Variants in FSTL5 observed in about 807,000 individuals in gnomAD.
FSTL5 encodes follistatin-related protein 5.
FSTL5 carries 62 observed loss-of-function variants against 89.1 expected under a neutral mutation model. The ratio of observed to expected loss-of-function variants is 0.70; its 90% CI spans 0.57 to 0.86. FSTL5 has a LOEUF of 0.86. FSTL5 is among the 40% of genes least tolerant of loss of function. The pLI, the probability that FSTL5 is intolerant of heterozygous loss-of-function variation, is 0.00. For synonymous variants in FSTL5, 383 were observed against 346.2 expected, an observed-to-expected ratio of 1.11 and a Z score of -1.18; for missense variants, 1,057 against 1,001.6, an observed-to-expected ratio of 1.06 and a Z score of -0.75.
At chr4:162,112,816 C>CACACACACACACACACACACA (rs1731499530) in intron 1 of FSTL5, among the ~76,000 whole-genome samples, 1 of 148,196 alleles carries the variant, frequency 6.7e-6, no homozygotes, top group African/African-American at 2.5e-5. Context: ...CACACACACA[C>CACACACACACACACACACACA]CAGTGGGCAT....
intron 2 of FSTL5, among the ~76,000 whole-genome samples, chr4:162,084,270 C>A (rs931887036): frequency 1.3e-5 from 2 of 151,744 alleles, no homozygotes; most frequent in African/African-American, 4.8e-5. Context: ...GTTAAATATT[C>A]AGAGTATCAT....
At chr4:161,975,872 T>C (rs1735626579) in intron 3 of FSTL5, among the ~76,000 whole-genome samples, 1 of 151,086 alleles carries the variant, frequency 6.6e-6, no homozygotes, top group East Asian at 1.9e-4. Flanking sequence ...TCCCAGCACT[T>C]TGGGAGGCCG....
At chr4:161,845,099 C>A (rs761276493) in intron 4 of FSTL5, among the ~76,000 whole-genome samples, 1 of 152,100 alleles carries the variant, frequency 6.6e-6, no homozygotes, top group Non-Finnish European at 1.5e-5. Context: ...TTCCACTATG[C>A]TACACTATTT....
At chr4:161,812,361 TC>T (rs1730176492) in intron 4 of FSTL5, among the ~76,000 whole-genome samples, 1 of 152,142 alleles carries the variant, frequency 6.6e-6, no homozygotes, top group African/African-American at 2.4e-5. Flanking sequence ...GCAAGTACAG[TC>T]CCCTGTGCAT....
intron 10 of FSTL5, among the ~76,000 whole-genome samples, chr4:161,520,316 T>C (rs985907650): frequency 1.3e-4 from 20 of 151,608 alleles, no homozygotes; most frequent in Non-Finnish European, 2.5e-4. Flanking sequence ...TTAAGTGTAT[T>C]TGAAATGTAT....
chr4:162,088,009 C>A (rs569351213), intron 2 of FSTL5, among the ~76,000 whole-genome samples: 12 of 151,986 alleles, frequency 7.9e-5, no homozygotes, highest in Non-Finnish European at 1.5e-4. Context: ...GGGAAATATT[C>A]AAAAAATAAT....
chr4:161,691,305 T>A (rs1560792237), intron 6 of FSTL5, among the ~76,000 whole-genome samples: 1 of 152,160 alleles, frequency 6.6e-6, no homozygotes, highest in African/African-American at 2.4e-5. Flanking sequence ...TTATTTCTCT[T>A]ATTGAATACT....
intron 13 of FSTL5, among the ~76,000 whole-genome samples, chr4:161,475,337 G>A (rs1033478156): frequency 1.3e-5 from 2 of 152,060 alleles, no homozygotes; most frequent in East Asian, 1.9e-4. Context: ...CAAATATTCT[G>A]TTGGCCATTT....
intron 15 of FSTL5, among the ~76,000 whole-genome samples, chr4:161,442,002 C>T (rs907836381): frequency 3.4e-4 from 51 of 152,010 alleles, no homozygotes; most frequent in African/African-American, 1.1e-3. Context: ...AGTGAAACTT[C>T]AGCTTAACCA....
intron 1 of FSTL5, among the ~76,000 whole-genome samples, chr4:162,143,672 T>G (rs568644021): frequency 6.1e-4 from 92 of 151,522 alleles, no homozygotes; most frequent in Non-Finnish European, 1.2e-3. Context: ...CACTAAGGCT[T>G]AGAATCCTAA....
chr4:161,695,180 T>C (rs956483424), intron 6 of FSTL5, among the ~76,000 whole-genome samples: 41 of 152,174 alleles, frequency 2.7e-4, no homozygotes, highest in Non-Finnish European at 5.1e-4. Context: ...CACTACACCG[T>C]ATTTGTTGTC....
intron 4 of FSTL5, among the ~76,000 whole-genome samples, chr4:161,883,607 C>T (rs1238441404): frequency 6.6e-6 from 1 of 152,038 alleles, no homozygotes; most frequent in East Asian, 1.9e-4. Context: ...TTTAATAATC[C>T]TAGGCTATGT....
chr4:161,407,472 T>A (rs1231903739), intron 15 of FSTL5, among the ~76,000 whole-genome samples: 2 of 152,096 alleles, frequency 1.3e-5, no homozygotes, highest in African/African-American at 4.8e-5. Flanking sequence ...TATGGCTAGT[T>A]CCCCTCCCCA....
intron 8 of FSTL5, among the ~76,000 whole-genome samples, chr4:161,586,532 C>T (rs1364298922): frequency 6.6e-6 from 1 of 152,180 alleles, no homozygotes; most frequent in Non-Finnish European, 1.5e-5. Flanking sequence ...AATGTGACCA[C>T]TTCTTTATAA....
At chr4:162,139,126 T>G (rs1302614546) in intron 1 of FSTL5, among the ~76,000 whole-genome samples, 1 of 152,094 alleles carries the variant, frequency 6.6e-6, no homozygotes, top group Admixed American at 6.6e-5. Context: ...TGTACAGGTT[T>G]ATTACATGAA....
intron 3 of FSTL5, among the ~76,000 whole-genome samples, chr4:161,971,776 A>G (rs1272348382): frequency 6.6e-6 from 1 of 152,166 alleles, no homozygotes; most frequent in Non-Finnish European, 1.5e-5. Context: ...CCAAAATCCA[A>G]ACAAACAATA....
chr4:161,504,514 G>T (rs530741107), intron 11 of FSTL5, among the ~76,000 whole-genome samples: 2 of 151,676 alleles, frequency 1.3e-5, no homozygotes, highest in African/African-American at 2.4e-5. Context: ...GGTGAAGGCA[G>T]GCAAAAGCGC....
intron 13 of FSTL5, among the ~76,000 whole-genome samples, chr4:161,461,071 C>T (rs1390587938): frequency 6.6e-6 from 1 of 151,658 alleles, no homozygotes; most frequent in Non-Finnish European, 1.5e-5. Flanking sequence ...CCTTCCACCA[C>T]ATGTTCTCTT....
At chr4:161,694,435 A>C (rs187754122) in intron 6 of FSTL5, among the ~76,000 whole-genome samples, 86 of 152,158 alleles carry the variant, frequency 5.7e-4, no homozygotes, top group African/African-American at 1.9e-3. Context: ...CTGTATTTTG[A>C]ACTACAGAAT....
Sources: gnomAD v4.1 joint callset for allele counts (sites outside exome capture counted in the v4.1 genomes callset) on GRCh38, gnomAD v4.1.1 for gene constraint, MANE v1.5 for transcripts, NCBI Gene and HGNC (gene_info 2026-07-23, HGNC 2026-07-21) for gene names.